Variants in UBR2 observed in about 807,000 individuals in gnomAD.
UBR2 encodes E3 ubiquitin-protein ligase UBR2.
In UBR2, 92 loss-of-function variants were observed where a neutral mutation model predicts 247.9. The ratio of observed to expected loss-of-function variants is 0.37; its 90% confidence interval spans 0.31 to 0.44. UBR2 has a LOEUF of 0.44. Among genes scored for constraint, UBR2 ranks in the 20% least tolerant of loss-of-function variants. The pLI, the probability that UBR2 is intolerant of heterozygous loss-of-function variation, is 1.00. For missense variants in UBR2, 1,613 were observed against 2,112.6 expected, an observed-to-expected ratio of 0.76 and a Z score of 4.64; for synonymous variants, 672 against 693.5, an observed-to-expected ratio of 0.97 and a Z score of 0.49.
At chr6:42,602,746 T>C (rs1312377055) in intron 4 of UBR2, among the ~76,000 whole-genome samples, 1 of 138,174 alleles carries the variant, frequency 7.2e-6, no homozygotes, top group Non-Finnish European at 1.5e-5. Flanking sequence ...ATGTTTTATT[T>C]TTATGCTGTG....
intron 40 of UBR2, 60 bp from the exon 41 acceptor site, chr6:42,678,479 C>T: frequency 6.4e-7 from 1 of 1,557,972 alleles, no homozygotes; most frequent in East Asian, 2.3e-5. Flanking sequence ...TGTTTTCACA[C>T]TATAAGTACA....
rs76445952 is a variant in UBR2, at chr6:42,603,207, C to T, written c.532-381C>T. 9.1e-3 allele frequency among the ~76,000 whole-genome samples: 1,380 copies of T among 152,204 alleles called. 19 individuals are homozygous for T. Among genetic ancestry groups the T allele is most frequent in the African/African-American group, 0.032 (1,317 of 41,514 alleles). On this transcript the variant is annotated intron_variant, in intron 4 of 46. Coordinates refer to ENST00000372901, the MANE Select transcript of UBR2 (RefSeq NM_001363705.2). ...ACCTATAAAACTCAATATTGCTTGCCCTTCCTAGGTAATAGTCCTTTGTGT... is the reference window on the plus strand; with the variant it reads ...ACCTATAAAACTCAATATTGCTTGCTCTTCCTAGGTAATAGTCCTTTGTGT...
chr6:42,606,221 C>T (rs1044210453), intron 6 of UBR2, among the ~76,000 whole-genome samples: 2 of 149,540 alleles, frequency 1.3e-5, no homozygotes, highest in African/African-American at 2.5e-5. Context: ...CGAGCCTGGG[C>T]GACAAAGCGA....
At chr6:42,636,346 T>G (rs1796095439) in intron 14 of UBR2, among the ~76,000 whole-genome samples, 1 of 151,938 alleles carries the variant, frequency 6.6e-6, no homozygotes, top group South Asian at 2.1e-4. Flanking sequence ...ACCTGGCTAA[T>G]TTTTCTATTT....
chr6:42,664,636 A>G (rs570365268), intron 32 of UBR2, among the ~76,000 whole-genome samples: 1 of 152,268 alleles, frequency 6.6e-6, no homozygotes, highest in Non-Finnish European at 1.5e-5. Context: ...GTGTAAGCTC[A>G]TGCTTTTTAA....
At chr6:42,643,793 A>C (rs1796584982) in intron 18 of UBR2, among the ~76,000 whole-genome samples, 1 of 152,176 alleles carries the variant, frequency 6.6e-6, no homozygotes, top group South Asian at 2.1e-4. Flanking sequence ...TAATAGTTTA[A>C]TATGATCTGT....
At chr6:42,570,744 C>T (rs953662335) in intron 1 of UBR2, among the ~76,000 whole-genome samples, 2 of 151,686 alleles carry the variant, frequency 1.3e-5, no homozygotes, top group Non-Finnish European at 2.9e-5. Context: ...AGTGCAGTGG[C>T]GTGATCATGC....
chr6:42,683,526 AT>A (rs1156493070), intron 43 of UBR2, among the ~76,000 whole-genome samples: 1 of 151,970 alleles, frequency 6.6e-6, no homozygotes, highest in Non-Finnish European at 1.5e-5. Context: ...TCTTATAATT[AT>A]TTTTTCTTCA....
chr6:42,691,782 G>GTTTTTTTTTTTTTTTTTTTT lies in UBR2; in HGVS notation c.*621_*622insTTTTTTTTTTTTTTTTTTTT, dbSNP rs150560009. ...GGCTGGTTTTTCAGGGCTGTTAGAG[G>GTTTTTTTTTTTTTTTTTTTT]TTTTTTTTTTTTCTTTTTTTTTTTA... is the stretch of plus-strand genomic sequence containing the variant. On this transcript the variant is annotated 3_prime_UTR_variant, in exon 47 of 47. Coordinates refer to ENST00000372901, the MANE Select transcript of UBR2 (RefSeq NM_001363705.2). 1.2e-5 allele frequency: 1 copy of GTTTTTTTTTTTTTTTTTTTT among 84,438 alleles called. No individual in the cohort carries two copies. Among genetic ancestry groups the GTTTTTTTTTTTTTTTTTTTT allele is most frequent in the Non-Finnish European group, 2.6e-5 (1 of 38,422 alleles). The allele number at this position is 84,438 out of a possible 1,614,324, so 5.2% of individuals were successfully genotyped here.
chr6:42,674,950 G>A (rs907111395), intron 38 of UBR2, among the ~76,000 whole-genome samples: 14 of 152,100 alleles, frequency 9.2e-5, no homozygotes, highest in African/African-American at 3.4e-4. Flanking sequence ...TCCAAATAGT[G>A]GGTAGCCAAA....
At chr6:42,645,040 G>T (rs1796675293) in intron 20 of UBR2, among the ~76,000 whole-genome samples, 1 of 152,082 alleles carries the variant, frequency 6.6e-6, no homozygotes, top group Non-Finnish European at 1.5e-5. Flanking sequence ...AGTCCATAGA[G>T]CAGAGAATCC....
chr6:42,616,776 G>A (rs1794583049), intron 10 of UBR2, among the ~76,000 whole-genome samples: 1 of 151,944 alleles, frequency 6.6e-6, no homozygotes, highest in East Asian at 1.9e-4. Context: ...GAATCACTTG[G>A]AGAGCTCTTT....
At chr6:42,599,429 A>C (rs1035775721) in intron 4 of UBR2, among the ~76,000 whole-genome samples, 3 of 152,080 alleles carry the variant, frequency 2.0e-5, no homozygotes, top group African/African-American at 7.2e-5. Flanking sequence ...AAAAGAGAGA[A>C]ACTTGAGTTT....
At chr6:42,610,021 A>T (rs1793971381) in intron 7 of UBR2, among the ~76,000 whole-genome samples, 1 of 151,982 alleles carries the variant, frequency 6.6e-6, no homozygotes, top group South Asian at 2.1e-4. Flanking sequence ...AAAATAAATA[A>T]ATATATAAAT....
At chr6:42,678,930 G>A (rs1243941329) in intron 41 of UBR2, among the ~76,000 whole-genome samples, 1 of 152,140 alleles carries the variant, frequency 6.6e-6, no homozygotes, top group Non-Finnish European at 1.5e-5. Context: ...TCATAGTTTT[G>A]CTTTCAGATG....
At position 42,564,288 on chromosome 6, in the gene UBR2, G is replaced by A. The variant is rs995402583; in HGVS notation, c.-32G>A. On this transcript the variant is annotated 5_prime_UTR_variant, in exon 1 of 47. Transcript: ENST00000372901. Reference sequence around the variant, plus strand: ...GAGGTGAGGCTGCAGCTCTCCGGGCGGCGGTAGCGCTGGGGAGGAGGAGGA... The same window carrying A: ...GAGGTGAGGCTGCAGCTCTCCGGGCAGCGGTAGCGCTGGGGAGGAGGAGGA... The A allele has an allele frequency of 7.5e-6, 12 of 1,595,626 alleles. No homozygotes were observed. In the South Asian group the frequency reaches 1.1e-4, roughly 15 times the overall value.
chr6:42,564,414 G>A lies in UBR2; in HGVS notation c.78+17G>A. ...ATTGCGGGGGTGAGTGCCGGAACCC[G>A]GGCGGGTGCGTCTGCCCCTCGCAGG... On this transcript the variant is annotated intron_variant, in intron 1 of 46. Transcript: ENST00000372901. 2 of 1,604,438 alleles carry A rather than the reference G, an allele frequency of 1.2e-6. No individual in the cohort carries two copies. Among genetic ancestry groups the A allele is most frequent in the Non-Finnish European group, 1.7e-6 (2 of 1,176,104 alleles).
chr6:42,600,080 C>T (rs1005310124), intron 4 of UBR2, among the ~76,000 whole-genome samples: 3 of 151,948 alleles, frequency 2.0e-5, no homozygotes, highest in African/African-American at 7.3e-5. Flanking sequence ...TTTAGTTGGG[C>T]AGTATGGAGA....
rs1798044005 is a variant in UBR2, at chr6:42,665,316, T to C, written c.3699-93T>C. 3 of 886,816 alleles carry C rather than the reference T, an allele frequency of 3.4e-6. No homozygotes were observed. The Admixed American group carries it at 8.5e-5, about 25-fold the overall frequency. 54.9% of individuals were successfully genotyped at this position (886,816 alleles called of 1,614,324 possible). A position where few individuals can be genotyped will look rare whatever the true frequency, so the allele number is the denominator to read the frequency against. Reference sequence around the variant, plus strand: ...TCCTTTTTGTTTTTAATATTTGGAGTGTGTCTAAAATATGCCTGTGATCAT... The same window carrying C: ...TCCTTTTTGTTTTTAATATTTGGAGCGTGTCTAAAATATGCCTGTGATCAT... On this transcript the variant is annotated intron_variant, in intron 32 of 46. Coordinates refer to ENST00000372901, the MANE Select transcript of UBR2 (RefSeq NM_001363705.2).
Sources: gnomAD v4.1 joint callset for allele counts (sites outside exome capture counted in the v4.1 genomes callset) on GRCh38, gnomAD v4.1.1 for gene constraint, MANE v1.5 for transcripts, NCBI Gene and HGNC (gene_info 2026-07-23, HGNC 2026-07-21) for gene names.